The following ABLIM2 variants were observed in gnomAD, a reference collection of about 807,000 sequenced individuals.
The protein encoded by ABLIM2 is actin-binding LIM protein 2.
In ABLIM2, 53 loss-of-function variants were observed where a neutral mutation model predicts 97.7. The observed-to-expected ratio is 0.54, with a 90% CI of 0.44 to 0.68. The LOEUF (loss-of-function observed/expected upper bound fraction) is 0.68. ABLIM2 is among the 30% of genes least tolerant of loss of function. The pLI, the probability that ABLIM2 is intolerant of heterozygous loss-of-function variation, is 0.00. For synonymous variants in ABLIM2, 361 were observed against 345.8 expected (o/e 1.04, Z -0.49); for missense variants, 835 against 867.2 (o/e 0.96, Z 0.47).
intron 16 of ABLIM2, chr4:7,993,963 G>A (rs748589091): frequency 7.8e-6 from 4 of 510,624 alleles, no homozygotes; most frequent in East Asian, 1.1e-4. Flanking sequence ...CGTGATGGGA[G>A]AGCAGGGAGG....
chr4:8,133,098 G>A (rs777067651), intron 1 of ABLIM2, among the ~76,000 whole-genome samples: 114 of 152,246 alleles, frequency 7.5e-4, no homozygotes, highest in Non-Finnish European at 1.3e-3. Context: ...CAATCCTCCC[G>A]AGCCTCAGCC....
intron 12 of ABLIM2, among the ~76,000 whole-genome samples, chr4:8,026,515 C>T (rs1210219469): frequency 6.6e-6 from 1 of 152,276 alleles, no homozygotes; most frequent in Non-Finnish European, 1.5e-5. Flanking sequence ...GTCCAGCTGC[C>T]TGCCCCACCT....
At position 8,061,087 on chromosome 4, in the gene ABLIM2, C is replaced by T; in HGVS notation, c.676-33G>A. On this transcript the variant is annotated intron_variant, in intron 6 of 20. Transcript: ENST00000447017. This position sits in a 1 kb window ranked among gnomAD's most constrained non-coding sequence, Gnocchi z 4.5. ...AAAAGCACAAAGCAGAATGTTTCTA[C>T]TAAAGCCAGAAAGGTCGGCTGGGTC... 4 of 1,555,590 alleles carry T rather than the reference C, an allele frequency of 2.6e-6. No individual in the cohort carries two copies. The highest frequency in any genetic ancestry group is 3.5e-6 in the Non-Finnish European group (4 of 1,148,040).
rs927335466 is a variant in ABLIM2 at position 8,127,810 on chromosome 4, C to T, written c.11-21173G>A. 29 of 779,490 alleles carry T rather than the reference C, an allele frequency of 3.7e-5. No individual in the cohort carries two copies. The highest frequency in any genetic ancestry group is 4.5e-5 in the Non-Finnish European group (29 of 642,074). The allele number at this position is 779,490 out of a possible 1,614,324, so 48.3% of individuals were successfully genotyped here. ...CTATGCGCCAGAGACACACCTGTCTCCCAGGCATCCGGGAAAGGGGCTCTG... is the reference window on the plus strand; with the variant it reads ...CTATGCGCCAGAGACACACCTGTCTTCCAGGCATCCGGGAAAGGGGCTCTG... On this transcript the variant is annotated intron_variant, in intron 1 of 20. Transcript: ENST00000447017. The surrounding 1 kb of genome is among the most constrained non-coding windows in gnomAD (Gnocchi z 7.3).
rs1845965385 is a variant in ABLIM2 at position 8,122,556 on chromosome 4, C to A, written c.11-15919G>T. Among the ~76,000 whole-genome samples the A allele has an allele frequency of 6.6e-6, 1 of 152,146 alleles. No individual in the cohort carries two copies. The highest frequency in any genetic ancestry group is 2.4e-5 in the African/African-American group (1 of 41,432). On this transcript the variant is annotated intron_variant, in intron 1 of 20. Coordinates refer to ENST00000447017, the MANE Select transcript of ABLIM2 (RefSeq NM_001130083.2). The surrounding 1 kb of genome is among the most constrained non-coding windows in gnomAD (Gnocchi z 4.1). ...TGGGCAGGAGTCCCATCATGAGGAC[C>A]CCACCCTCACGACCTCATCTAAACC...
chr4:8,117,457 CCTA>C (rs1843271612), intron 1 of ABLIM2, among the ~76,000 whole-genome samples: 1 of 151,942 alleles, frequency 6.6e-6, no homozygotes, highest in Non-Finnish European at 1.5e-5. Flanking sequence ...GCAGACTCCA[CCTA>C]CCACAGGCTC....
chr4:8,000,026 C>T lies in ABLIM2; in HGVS notation c.1619-7099G>A, dbSNP rs537089130. ...CCGGGTCTGCTTTGTGGACACCTGA[C>T]CCATGAACCACTCACTTGGGCAGTT... On this transcript the variant is annotated intron_variant, in intron 16 of 20. Transcript: ENST00000447017. Among the ~76,000 whole-genome samples, 5 of 152,260 alleles carry T rather than the reference C, an allele frequency of 3.3e-5. No individual in the cohort carries two copies. The East Asian group carries it at 7.7e-4, about 24-fold the overall frequency.
intron 17 of ABLIM2, among the ~76,000 whole-genome samples, chr4:7,991,300 G>A (rs1030525941): frequency 2.0e-5 from 3 of 152,226 alleles, no homozygotes; most frequent in Non-Finnish European, 4.4e-5. Flanking sequence ...CGTCAGTGAC[G>A]CAAGACTACA....
At chr4:8,041,650 C>A (rs1193145277) in intron 9 of ABLIM2, among the ~76,000 whole-genome samples, 2 of 151,452 alleles carry the variant, frequency 1.3e-5, no homozygotes, top group Non-Finnish European at 2.9e-5. Flanking sequence ...CGCCTGTAAT[C>A]CCAGCACTTT....
In ABLIM2 at chr4:8,097,298, C is replaced by T. The variant is rs974416726; in HGVS notation, c.155-16G>A. The T allele has an allele frequency of 6.4e-6, 10 of 1,553,104 alleles. No individual in the cohort carries two copies. Among genetic ancestry groups the T allele is most frequent in the African/African-American group, 2.7e-5 (2 of 73,146 alleles). On this transcript the variant is annotated splice_polypyrimidine_tract_variant and intron_variant, in intron 2 of 20. Coordinates refer to ENST00000447017, the MANE Select transcript of ABLIM2 (RefSeq NM_001130083.2). Reference sequence around the variant, plus strand: ...CAGCCACATGCTGGGGGAGGACGGGCGAGGTGGCGTTAGCGGCAGAGGGGA... The same window carrying T: ...CAGCCACATGCTGGGGGAGGACGGGTGAGGTGGCGTTAGCGGCAGAGGGGA...
chr4:8,026,880 CCTGAGTGTGTGTGTCTGCAGTGGCCTTT>C (rs1777761216), intron 12 of ABLIM2, among the ~76,000 whole-genome samples: 1 of 148,066 alleles, frequency 6.8e-6, no homozygotes, highest in Non-Finnish European at 1.5e-5. Context: ...TGGCCTTTTA[CCTGAGTGTGTGTGTCTGCAGTGGCCTTT>C]TACCTGAGTG....
chr4:8,154,184 C>G lies in ABLIM2; in HGVS notation c.10+4496G>C, dbSNP rs112164484. ...TCACTGTGTTAGCCAGGATGGTCTC[C>G]ATCTCCTGACCTTGTGATCCACCCG... On this transcript the variant is annotated intron_variant, in intron 1 of 20. Transcript: ENST00000447017. Among the ~76,000 whole-genome samples, 1,075 of 148,366 alleles carry G rather than the reference C, an allele frequency of 7.2e-3. 4 individuals are homozygous for G. The highest frequency in any genetic ancestry group is 9.0e-3 in the Non-Finnish European group (605 of 67,108).
At chr4:7,989,072 C>CTTTTTTTTTTTTT (rs71175445) in intron 17 of ABLIM2, among the ~76,000 whole-genome samples, 4 of 81,328 alleles carry the variant, frequency 4.9e-5, no homozygotes, top group African/African-American at 5.0e-5. Flanking sequence ...ACACATTAGT[C>CTTTTTTTTTTTTT]TTTTTTTTTT....
At chr4:8,035,406 C>T (rs896001251) in intron 10 of ABLIM2, among the ~76,000 whole-genome samples, 2 of 152,118 alleles carry the variant, frequency 1.3e-5, no homozygotes, top group African/African-American at 4.8e-5. Flanking sequence ...ATGAGAAGGC[C>T]CAAGGGAAAC....
chr4:8,158,589 G>C, intron 1 of ABLIM2, 91 bp downstream of exon 1: 1 of 1,430,462 alleles, frequency 7.0e-7, no homozygotes. Flanking sequence ...TTTCCCCGGC[G>C]TTGCAGGTGC....
In ABLIM2 at chr4:7,983,328, G is replaced by C. The variant is rs1380103726; in HGVS notation, c.1760C>G (p.Ser587Cys). 2 of 1,612,184 alleles carry C rather than the reference G, an allele frequency of 1.2e-6. No individual in the cohort carries two copies. The highest frequency in any genetic ancestry group is 1.7e-5 in the Admixed American group (1 of 59,800). Residue 587 changes from serine (S) to cysteine (C), a missense_variant, in exon 20 of 21, where the codon TCC becomes TGC. Ser to Cys is a moderately radical substitution (Grantham distance 112, BLOSUM62 -1). Coordinates refer to ENST00000447017, the MANE Select transcript of ABLIM2 (RefSeq NM_001130083.2). ...MREYKIYPYD[S>C]LIVTNRIRVK... ...GCGAATTCGGTTTGTGACGATGAGG[G>C]AGTCATACGGATAGATCTGTTGGGG... is the stretch of plus-strand genomic sequence containing the variant.
intron 10 of ABLIM2, among the ~76,000 whole-genome samples, chr4:8,031,321 G>C (rs1376588142): frequency 6.6e-6 from 1 of 150,604 alleles, no homozygotes; most frequent in Non-Finnish European, 1.5e-5. Context: ...CCAGGAGTGT[G>C]CTCTGTGTCA....
At position 8,127,893 on chromosome 4, in the gene ABLIM2, C is replaced by T. The variant is rs1848674472; in HGVS notation, c.11-21256G>A. Among the ~76,000 whole-genome samples the T allele has an allele frequency of 6.6e-6, 1 of 152,172 alleles. No homozygotes were observed. The highest frequency in any genetic ancestry group is 1.5e-5 in the Non-Finnish European group (1 of 68,018). ...GGGTGGGGAGCATCTGCTGACCCTT[C>T]CTCCATGTGTAGGGGCAGCAATAGT... On this transcript the variant is annotated intron_variant, in intron 1 of 20. Transcript: ENST00000447017. The surrounding 1 kb of genome is among the most constrained non-coding windows in gnomAD (Gnocchi z 7.3).
chr4:8,157,311 G>T (rs1181418135), intron 1 of ABLIM2, among the ~76,000 whole-genome samples: 1 of 152,200 alleles, frequency 6.6e-6, no homozygotes, highest in Non-Finnish European at 1.5e-5. Context: ...AAATTACTCT[G>T]TGTGCACCCA....
Sources: gnomAD v4.1 joint callset for allele counts (sites outside exome capture counted in the v4.1 genomes callset) on GRCh38, gnomAD v4.1.1 for gene constraint, Gnocchi (gnomAD v3.1) non-coding constraint, MANE v1.5 for transcripts, NCBI Gene and HGNC (gene_info 2026-07-23, HGNC 2026-07-21) for gene names.